Variants in MAP2K5 observed in about 807,000 individuals in gnomAD.
MAP2K5 encodes dual specificity mitogen-activated protein kinase kinase 5.
In MAP2K5, 49 loss-of-function variants were observed where a neutral mutation model predicts 83.1. The ratio of observed to expected loss-of-function variants is 0.59; its 90% CI spans 0.47 to 0.75. MAP2K5 has a LOEUF of 0.75. Among genes scored for constraint, MAP2K5 ranks in the 30% least tolerant of loss-of-function variants. The pLI is 0.00. For synonymous variants in MAP2K5, 202 were observed against 191.8 expected, an observed-to-expected ratio of 1.05 and a Z score of -0.44; for missense variants, 457 against 557.5, an observed-to-expected ratio of 0.82 and a Z score of 1.82.
At chr15:67,798,218 C>G (rs2090638981) in intron 21 of MAP2K5, among the ~76,000 whole-genome samples, 1 of 152,202 alleles carries the variant, frequency 6.6e-6, no homozygotes, top group Admixed American at 6.5e-5. Context: ...CCATTCTCCT[C>G]TGGCATCCTC....
intron 8 of MAP2K5, among the ~76,000 whole-genome samples, chr15:67,617,235 C>T (rs1366629356): frequency 2.0e-5 from 3 of 152,116 alleles, no homozygotes; most frequent in African/African-American, 7.2e-5. Flanking sequence ...AGATTATAGG[C>T]CAGCCTCCCC....
Position 67,717,944 on chromosome 15 carries a change from C to G in MAP2K5, c.1045-9972C>G, listed in dbSNP as rs1248155798. The G allele has an allele frequency of 6.6e-6, 1 of 152,228 alleles. No homozygotes were observed. The highest frequency in any genetic ancestry group is 1.5e-5 in the Non-Finnish European group (1 of 68,076). The allele number at this position is 152,228 out of a possible 1,614,324, so 9.4% of individuals were successfully genotyped here. A position where few individuals can be genotyped will look rare whatever the true frequency, so the allele number is the denominator to read the frequency against. On this transcript the variant is annotated intron_variant, in intron 16 of 21. Coordinates refer to ENST00000178640, the MANE Select transcript of MAP2K5 (RefSeq NM_145160.3). This position sits in a 1 kb window ranked among gnomAD's most constrained non-coding sequence, Gnocchi z 4.1. ...GTGTAGGTTCTTGATGATGAAACAA[C>G]AGGGTCACATTCCAAAAGAGCATCT...
chr15:67,743,568 TG>T (rs1249362489), intron 17 of MAP2K5, among the ~76,000 whole-genome samples: 1 of 152,236 alleles, frequency 6.6e-6, no homozygotes, highest in African/African-American at 2.4e-5. Context: ...AAAAGTGATT[TG>T]TTTGGGAACT....
In MAP2K5 at chr15:67,774,304, C is replaced by G. The variant is rs946501083; in HGVS notation, c.1242+1552C>G. Among the ~76,000 whole-genome samples, 6 of 152,044 alleles carry G rather than the reference C, an allele frequency of 3.9e-5. No individual in the cohort carries two copies. The South Asian group carries it at 6.2e-4, about 16-fold the overall frequency. On this transcript the variant is annotated intron_variant, in intron 21 of 21. Transcript: ENST00000178640. The surrounding 1 kb of genome is among the most constrained non-coding windows in gnomAD (Gnocchi z 4.9). ...TAAATATCAATAAATCAATAAAATACAATGAAAAATGTTGTCACAGGAAGC... is the reference window on the plus strand; with the variant it reads ...TAAATATCAATAAATCAATAAAATAGAATGAAAAATGTTGTCACAGGAAGC...
intron 21 of MAP2K5, among the ~76,000 whole-genome samples, chr15:67,792,638 T>A (rs939253230): frequency 3.3e-5 from 5 of 152,234 alleles, no homozygotes; most frequent in African/African-American, 1.2e-4. Context: ...ACTGAGTTTC[T>A]GAGTCACCCT....
intron 21 of MAP2K5, among the ~76,000 whole-genome samples, chr15:67,788,947 G>A (rs1431945202): frequency 6.8e-6 from 1 of 146,260 alleles, no homozygotes; most frequent in Non-Finnish European, 1.5e-5. Flanking sequence ...ACTCCAGCAT[G>A]GGTGACAGAG....
chr15:67,773,984 G>A (rs910688145), intron 21 of MAP2K5, among the ~76,000 whole-genome samples: 4 of 152,270 alleles, frequency 2.6e-5, no homozygotes, highest in Admixed American at 2.0e-4. Context: ...GTTTGTAAAT[G>A]CATGTTTCAA....
chr15:67,650,479 G>A (rs2086926253), intron 11 of MAP2K5, among the ~76,000 whole-genome samples: 1 of 149,606 alleles, frequency 6.7e-6, no homozygotes, highest in Non-Finnish European at 1.5e-5. Flanking sequence ...TCCTTTGTCA[G>A]GTTGAGGAAA....
intron 11 of MAP2K5, among the ~76,000 whole-genome samples, chr15:67,646,804 C>G (rs1324259003): frequency 1.3e-5 from 2 of 152,110 alleles, no homozygotes; most frequent in Non-Finnish European, 2.9e-5. Context: ...GTTTCAATAG[C>G]CAAAACAGAT....
chr15:67,575,550 C>G (rs2085037332), intron 3 of MAP2K5, among the ~76,000 whole-genome samples: 1 of 152,164 alleles, frequency 6.6e-6, no homozygotes, highest in African/African-American at 2.4e-5. Context: ...AGCAGTCTAC[C>G]AGGTAACCCT....
rs115680368 is a variant in MAP2K5 at position 67,608,821 on chromosome 15, G to A, written c.545+8072G>A. Among the ~76,000 whole-genome samples, 856 of 152,258 alleles carry A rather than the reference G, an allele frequency of 5.6e-3. 5 individuals carry two copies. Among genetic ancestry groups the A allele is most frequent in the African/African-American group, 0.018 (735 of 41,546 alleles). ...TCGGCCTTTGGTTAGAGTGATTAATGTACTCTTTCTACTCTTGTTCCCACT... is the reference window on the plus strand; with the variant it reads ...TCGGCCTTTGGTTAGAGTGATTAATATACTCTTTCTACTCTTGTTCCCACT... On this transcript the variant is annotated intron_variant, in intron 8 of 21. Coordinates refer to ENST00000178640, the MANE Select transcript of MAP2K5 (RefSeq NM_145160.3).
At chr15:67,721,269 T>C (rs1271276000) in intron 16 of MAP2K5, among the ~76,000 whole-genome samples, 1 of 152,176 alleles carries the variant, frequency 6.6e-6, no homozygotes, top group East Asian at 1.9e-4. Flanking sequence ...TTCTGAATGG[T>C]AGATAAGTGC....
At chr15:67,592,884 G>A (rs1385087941) in intron 6 of MAP2K5, 42 bp from the exon 7 acceptor site, 18 of 1,378,018 alleles carry the variant, frequency 1.3e-5, no homozygotes, top group Admixed American at 1.7e-5. Flanking sequence ...GTGTTCAGAG[G>A]TGTTGATGAT....
In MAP2K5 at chr15:67,573,669, T is replaced by G. The variant is rs2084994829; in HGVS notation, c.253-7085T>G. Among the ~76,000 whole-genome samples the G allele has an allele frequency of 6.6e-6, 1 of 152,058 alleles. No homozygotes were observed. Among genetic ancestry groups the G allele is most frequent in the Admixed American group, 6.6e-5 (1 of 15,266 alleles). Reference sequence around the variant, plus strand: ...TCAGGCATTCTTAGTTACAGGATGTTTAGAGTTAAGGGAACAGGTTAATAG... The same window carrying G: ...TCAGGCATTCTTAGTTACAGGATGTGTAGAGTTAAGGGAACAGGTTAATAG... On this transcript the variant is annotated intron_variant, in intron 3 of 21. Transcript: ENST00000178640. The surrounding 1 kb of genome is among the most constrained non-coding windows in gnomAD (Gnocchi z 4.2).
intron 1 of MAP2K5, chr15:67,548,913 G>GGA: frequency 1.4e-5 from 8 of 589,500 alleles, no homozygotes; most frequent in South Asian, 4.0e-5. Context: ...ATTTATTTTT[G>GGA]AAAAAAAAAA....
rs1468055579 is a variant in MAP2K5 at position 67,637,682 on chromosome 15, C to T, written c.585+6755C>T. 1.3e-5 allele frequency among the ~76,000 whole-genome samples: 2 copies of T among 152,194 alleles called. No individual in the cohort carries two copies. The highest frequency in any genetic ancestry group is 1.3e-4 in the Admixed American group (2 of 15,276). Reference sequence around the variant, plus strand: ...CTCTCTCCCTCAGGTCCTCTGCCAGCTCTCTGCCCTCTGCTTCTCTAGCTT... The same window carrying T: ...CTCTCTCCCTCAGGTCCTCTGCCAGTTCTCTGCCCTCTGCTTCTCTAGCTT... On this transcript the variant is annotated intron_variant, in intron 9 of 21. Transcript: ENST00000178640. This position sits in a 1 kb window ranked among gnomAD's most constrained non-coding sequence, Gnocchi z 4.5.
chr15:67,637,687 T>A lies in MAP2K5; in HGVS notation c.585+6760T>A, dbSNP rs2086632122. ...TCCCTCAGGTCCTCTGCCAGCTCTC[T>A]GCCCTCTGCTTCTCTAGCTTCCTTG... On this transcript the variant is annotated intron_variant, in intron 9 of 21. Coordinates refer to ENST00000178640, the MANE Select transcript of MAP2K5 (RefSeq NM_145160.3). This position sits in a 1 kb window ranked among gnomAD's most constrained non-coding sequence, Gnocchi z 4.5. Among the ~76,000 whole-genome samples the A allele has an allele frequency of 6.6e-6, 1 of 152,202 alleles. No individual in the cohort carries two copies. Among genetic ancestry groups the A allele is most frequent in the Non-Finnish European group, 1.5e-5 (1 of 68,034 alleles).
rs751380805 is a variant in MAP2K5, at chr15:67,764,033, C to T, written c.1135-5569C>T. ...ACAGGTGATTTTCTGGTGTTGAACA[C>T]CTGTTGGCTTGGTGGCTTGACACCG... On this transcript the variant is annotated intron_variant, in intron 19 of 21. Coordinates refer to ENST00000178640, the MANE Select transcript of MAP2K5 (RefSeq NM_145160.3). This position sits in a 1 kb window ranked among gnomAD's most constrained non-coding sequence, Gnocchi z 4.9. Among the ~76,000 whole-genome samples the T allele has an allele frequency of 1.3e-5, 2 of 152,158 alleles. No individual in the cohort carries two copies. The highest frequency in any genetic ancestry group is 2.9e-5 in the Non-Finnish European group (2 of 68,024).
chr15:67,760,848 GACCT>G lies in MAP2K5; in HGVS notation c.1135-8751_1135-8748del, dbSNP rs752452851. Among the ~76,000 whole-genome samples, 1 of 152,072 alleles carries G rather than the reference GACCT, an allele frequency of 6.6e-6. No homozygotes were observed. Among genetic ancestry groups the G allele is most frequent in the Non-Finnish European group, 1.5e-5 (1 of 68,010 alleles). On this transcript the variant is annotated intron_variant, in intron 19 of 21. Coordinates refer to ENST00000178640, the MANE Select transcript of MAP2K5 (RefSeq NM_145160.3). This position sits in a 1 kb window ranked among gnomAD's most constrained non-coding sequence, Gnocchi z 4.1. ...ATGCTCATTTAATCCACCATGATGGGACCTACACACCCTGAGCCCAAGTTGGATG... is the reference window on the plus strand; with the variant it reads ...ATGCTCATTTAATCCACCATGATGGGACACACCCTGAGCCCAAGTTGGATG...
Sources: gnomAD v4.1 joint callset for allele counts (sites outside exome capture counted in the v4.1 genomes callset) on GRCh38, gnomAD v4.1.1 for gene constraint, Gnocchi (gnomAD v3.1) non-coding constraint, MANE v1.5 for transcripts, NCBI Gene and HGNC (gene_info 2026-07-23, HGNC 2026-07-21) for gene names.